BID: variants seen among roughly 807,000 people sequenced by gnomAD.
BID encodes the protein BH3-interacting domain death agonist.
In BID, 19 loss-of-function variants were observed where a neutral mutation model predicts 17.4. That is an observed-to-expected ratio of 1.09 (90% CI 0.76 to 1.60). The LOEUF is 1.60. Ranked by LOEUF, BID falls within the 40% of genes most tolerant of loss-of-function variation. BID has a pLI of 0.00. For synonymous variants in BID, 108 were observed against 102.8 expected (o/e 1.05, Z -0.31); for missense variants, 226 against 256.0 (o/e 0.88, Z 0.80).
chr22:17,747,681 A>T (rs2061503746), intron 2 of BID, among the ~76,000 whole-genome samples: 1 of 152,036 alleles, frequency 6.6e-6, no homozygotes, highest in Non-Finnish European at 1.5e-5. Context: ...CACAGGAAAA[A>T]AATATGTTAA....
In BID at chr22:17,734,794, C is replaced by CAA. The variant is rs1601828440; in HGVS notation, c.*784_*785dup. The stretch of plus-strand genomic sequence containing the variant: ...GGCACCCGTGGCTTCATGTCTTTAG[C>CAA]AAAGTCTTGATGTCATGGAAAGAGA... On this transcript the variant is annotated 3_prime_UTR_variant, in exon 6 of 6. Coordinates refer to ENST00000622694, the MANE Select transcript of BID (RefSeq NM_001196.4). 1 of 152,198 alleles carries CAA rather than the reference C, an allele frequency of 6.6e-6. No homozygotes were observed. Among genetic ancestry groups the CAA allele is most frequent in the Non-Finnish European group, 1.5e-5 (1 of 68,042 alleles). The allele number at this position is 152,198 out of a possible 1,614,324, so 9.4% of individuals were successfully genotyped here. A position where few individuals can be genotyped will look rare whatever the true frequency, so the allele number is the denominator to read the frequency against.
chr22:17,734,474 C>G lies in BID; in HGVS notation c.*1106G>C, dbSNP rs1174839612. ...CCACTGTCGTGCTTTTAAACTGATT[C>G]CTGGGACATAGCTTACCACTGGAAC... On this transcript the variant is annotated 3_prime_UTR_variant, in exon 6 of 6. Transcript: ENST00000622694. The G allele has an allele frequency of 2.0e-5, 3 of 152,182 alleles. No homozygotes were observed. The highest frequency in any genetic ancestry group is 4.4e-5 in the Non-Finnish European group (3 of 68,050). 9.4% of individuals were successfully genotyped at this position (152,182 alleles called of 1,614,324 possible).
intron 5 of BID, among the ~76,000 whole-genome samples, chr22:17,736,182 C>T (rs536747517): frequency 1.3e-5 from 2 of 152,092 alleles, no homozygotes; most frequent in East Asian, 1.9e-4. Context: ...AACATTAGGC[C>T]GGGCGCAGTG....
intron 2 of BID, 37 bp downstream of exon 2, chr22:17,750,068 C>T (rs909543139): frequency 6.2e-7 from 1 of 1,605,078 alleles, no homozygotes; most frequent in Non-Finnish European, 8.5e-7. Flanking sequence ...TCGACCCCGC[C>T]CCCCACAAGG....
Position 17,757,498 on chromosome 22 carries a change from G to GAA in BID, c.-58-7325_-58-7324insTT, listed in dbSNP as rs1390354160. On this transcript the variant is annotated intron_variant, in intron 1 of 5. Transcript: ENST00000622694. The stretch of plus-strand genomic sequence containing the variant: ...CCGAGGCGGGCGGATCACAAGGTCA[G>GAA]GAGATCCAGACCATCCTGGCTAACA... Among the ~76,000 whole-genome samples the GAA allele has an allele frequency of 5.1e-3, 769 of 150,900 alleles. 12 individuals carry two copies. Among genetic ancestry groups the GAA allele is most frequent in the South Asian group, 0.02 (96 of 4,764 alleles).
In BID at chr22:17,738,218, C is replaced by T. The variant is rs374084609; in HGVS notation, c.375G>A (p.Arg125=). Residue 125 remains arginine (R), a synonymous_variant, in exon 5 of 6, where the codon AGG becomes AGA. Coordinates refer to ENST00000622694, the MANE Select transcript of BID (RefSeq NM_001196.4). ...NTSRSEEDRN[R]DLATALEQLL... is the part of the protein sequence containing the mutation. Reference sequence around the variant, plus strand: ...GCTGCTCCAGGGCAGTGGCCAGGTCCCTGTTCCGGTCCTGCACAGAGGGGC... The same window carrying T: ...GCTGCTCCAGGGCAGTGGCCAGGTCTCTGTTCCGGTCCTGCACAGAGGGGC... 1 of 1,610,668 alleles carries T rather than the reference C, an allele frequency of 6.2e-7. No individual in the cohort carries two copies. The highest frequency in any genetic ancestry group is 8.5e-7 in the Non-Finnish European group (1 of 1,179,940).
intron 3 of BID, 80 bp from the exon 4 acceptor site, chr22:17,739,568 G>A (rs780717642): frequency 9.0e-5 from 137 of 1,530,578 alleles, no homozygotes; most frequent in African/African-American, 1.1e-4. Flanking sequence ...ACCCTGCCCC[G>A]GGAAAGGACA....
At position 17,734,489 on chromosome 22, in the gene BID, A is replaced by G. The variant is rs916322951; in HGVS notation, c.*1091T>C. Reference sequence around the variant, plus strand: ...TAAACTGATTCCTGGGACATAGCTTACCACTGGAACAGCAGACCAGTGTTG... The same window carrying G: ...TAAACTGATTCCTGGGACATAGCTTGCCACTGGAACAGCAGACCAGTGTTG... On this transcript the variant is annotated 3_prime_UTR_variant, in exon 6 of 6. Coordinates refer to ENST00000622694, the MANE Select transcript of BID (RefSeq NM_001196.4). The G allele has an allele frequency of 2.0e-5, 3 of 152,198 alleles. No individual in the cohort carries two copies. Among genetic ancestry groups the G allele is most frequent in the Non-Finnish European group, 4.4e-5 (3 of 68,024 alleles). The allele number at this position is 152,198 out of a possible 1,614,324, so 9.4% of individuals were successfully genotyped here.
In BID at chr22:17,755,037, C is replaced by G. The variant is rs1314207821; in HGVS notation, c.-58-4863G>C. On this transcript the variant is annotated intron_variant, in intron 1 of 5. Coordinates refer to ENST00000622694, the MANE Select transcript of BID (RefSeq NM_001196.4). ...TTGGCCTCCCAAAATGCTGGGATTA[C>G]AGGCGTGAGCCACCGTGCCTGGCCT... Among the ~76,000 whole-genome samples, 10 of 151,540 alleles carry G rather than the reference C, an allele frequency of 6.6e-5. No homozygotes were observed. In the East Asian group the frequency reaches 1.4e-3, roughly 21 times the overall value.
In BID at chr22:17,756,576, C is replaced by CT. The variant is rs1271396687; in HGVS notation, c.-58-6403dup. Among the ~76,000 whole-genome samples, 363 of 127,316 alleles carry CT rather than the reference C, an allele frequency of 2.9e-3. 1 individual carries two copies. The highest frequency in any genetic ancestry group is 8.7e-3 in the African/African-American group (302 of 34,572). The allele number at this position is 127,316 out of a possible 152,430, so 83.5% of individuals were successfully genotyped here. A position where few individuals can be genotyped will look rare whatever the true frequency, so the allele number is the denominator to read the frequency against. ...TTTCTTTCCTTCCTTTCCTTTCTTT[C>CT]TTTTTTTTTTCTTTTTTGAGATGGA... is the stretch of plus-strand genomic sequence containing the variant. On this transcript the variant is annotated intron_variant, in intron 1 of 5. Transcript: ENST00000622694.
chr22:17,742,530 C>T (rs1027726086), intron 3 of BID, among the ~76,000 whole-genome samples: 3 of 146,752 alleles, frequency 2.0e-5, no homozygotes, highest in African/African-American at 7.6e-5. Context: ...GCCACGTCCT[C>T]AAGCACCTGA....
At chr22:17,760,451 CAAA>C (rs55817445) in intron 1 of BID, among the ~76,000 whole-genome samples, 36 of 30,740 alleles carry the variant, frequency 1.2e-3, no homozygotes, top group African/African-American at 2.0e-3. Context: ...GACTCTGTCT[CAAA>C]AAAAAAAAAA....
intron 1 of BID, among the ~76,000 whole-genome samples, chr22:17,771,667 G>A (rs2061721666): frequency 3.3e-5 from 5 of 152,208 alleles, no homozygotes; most frequent in Admixed American, 3.3e-4. Context: ...CTGCTTTGTG[G>A]CCTGTTTGCC....
chr22:17,739,608 C>A, intron 3 of BID, 120 bp from the exon 4 acceptor site: 1 of 1,321,622 alleles, frequency 7.6e-7, no homozygotes, highest in East Asian at 2.5e-5. Flanking sequence ...CCAGCCCCCA[C>A]TGGGCACGTG....
Position 17,773,471 on chromosome 22 carries a change from A to G in BID, c.-59+910T>C, listed in dbSNP as rs748924138. The G allele has an allele frequency of 1.4e-4, 120 of 855,554 alleles. No homozygotes were observed. The highest frequency in any genetic ancestry group is 2.0e-4 in the Non-Finnish European group (106 of 530,990). The allele number at this position is 855,554 out of a possible 1,614,324, so 53.0% of individuals were successfully genotyped here. ...GTGAGAGCGAGGACTGAGGGTGTGG[A>G]TAAGGCTCCAGGAAGGGGGTGCAAG... On this transcript the variant is annotated intron_variant, in intron 1 of 5. Coordinates refer to ENST00000622694, the MANE Select transcript of BID (RefSeq NM_001196.4). The surrounding 1 kb of genome is among the most constrained non-coding windows in gnomAD (Gnocchi z 4.4).
In BID at chr22:17,742,463, A is replaced by G. The variant is rs896436806; in HGVS notation, c.223+1340T>C. On this transcript the variant is annotated intron_variant, in intron 3 of 5. Transcript: ENST00000622694. ...TGGATTAGAAGGCAGAGACATTCTC[A>G]GACACCTCCCCCCACCCCCCACCCC... Among the ~76,000 whole-genome samples the G allele has an allele frequency of 2.0e-5, 3 of 148,962 alleles. No homozygotes were observed. The East Asian group carries it at 6.2e-4, about 31-fold the overall frequency.
At chr22:17,770,740 C>A (rs1239616456) in intron 1 of BID, among the ~76,000 whole-genome samples, 1 of 152,246 alleles carries the variant, frequency 6.6e-6, no homozygotes, top group Non-Finnish European at 1.5e-5. Flanking sequence ...CAGGCCACGG[C>A]ACACTTTCCT....
chr22:17,739,969 G>T, intron 3 of BID: 1 of 1,133,392 alleles, frequency 8.8e-7, no homozygotes, highest in Non-Finnish European at 1.3e-6. Flanking sequence ...GTTGTCACTG[G>T]CACCGGCAAG....
rs1259604624 is a variant in BID at position 17,773,904 on chromosome 22, C to T, written c.-59+477G>A. 1.3e-5 allele frequency: 8 copies of T among 594,910 alleles called. No homozygotes were observed. Among genetic ancestry groups the T allele is most frequent in the Non-Finnish European group, 2.4e-5 (8 of 334,062 alleles). The allele number at this position is 594,910 out of a possible 1,614,324, so 36.9% of individuals were successfully genotyped here. On this transcript the variant is annotated intron_variant, in intron 1 of 5. Transcript: ENST00000622694. This position sits in a 1 kb window ranked among gnomAD's most constrained non-coding sequence, Gnocchi z 4.4. Reference sequence around the variant, plus strand: ...ACCGCGCTTTGTCAGCCCTGAGCTCCGCTCGGGAGGAGCCGGCAGGTGTCT... The same window carrying T: ...ACCGCGCTTTGTCAGCCCTGAGCTCTGCTCGGGAGGAGCCGGCAGGTGTCT...
Sources: allele counts gnomAD v4.1 joint callset (sites outside exome capture counted in the v4.1 genomes callset), GRCh38; gene constraint gnomAD v4.1.1; non-coding constraint Gnocchi (gnomAD v3.1); transcripts MANE v1.5; gene names NCBI Gene and HGNC (gene_info 2026-07-23, HGNC 2026-07-21).